The following ADAM22 variants were observed in gnomAD, a reference collection of about 807,000 sequenced individuals.
ADAM22 encodes disintegrin and metalloproteinase domain-containing protein 22.
A neutral mutation model predicts 144.6 loss-of-function variants in ADAM22; 65 were observed. The ratio of observed to expected loss-of-function variants is 0.45; its 90% CI spans 0.37 to 0.55. The LOEUF (loss-of-function observed/expected upper bound fraction) is 0.55, where lower values mean the gene tolerates loss of function less well. Ranked by LOEUF, ADAM22 falls within the 20% of genes least tolerant of loss-of-function variation. The pLI is 0.00. For synonymous variants in ADAM22, 391 were observed against 412.6 expected (o/e 0.95, Z 0.63); for missense variants, 974 against 1,184.9 (o/e 0.82, Z 2.61).
intron 3 of ADAM22, among the ~76,000 whole-genome samples, chr7:88,062,464 G>A (rs764471665): frequency 1.1e-4 from 17 of 152,180 alleles, no homozygotes; most frequent in Non-Finnish European, 2.2e-4. Context: ...AAGAGAGTTA[G>A]GGCCTTATTC....
At chr7:88,140,182 T>C (rs1489078771) in intron 14 of ADAM22, among the ~76,000 whole-genome samples, 1 of 152,152 alleles carries the variant, frequency 6.6e-6, no homozygotes, top group Non-Finnish European at 1.5e-5. Flanking sequence ...AAGCCATTCT[T>C]GGGAGGACTC....
At chr7:87,941,835 A>G (rs1432779332) in intron 2 of ADAM22, among the ~76,000 whole-genome samples, 1 of 152,224 alleles carries the variant, frequency 6.6e-6, no homozygotes, top group Non-Finnish European at 1.5e-5. Context: ...TAGGAAACTA[A>G]CTATGAATGA....
chr7:87,988,437 G>A (rs1489240205), intron 3 of ADAM22, among the ~76,000 whole-genome samples: 2 of 152,136 alleles, frequency 1.3e-5, no homozygotes. Context: ...CATTCATTTA[G>A]CACACCCCTT....
In ADAM22 at chr7:87,957,939, G is replaced by A. The variant is rs368712833; in HGVS notation, c.247-20397G>A. On this transcript the variant is annotated intron_variant, in intron 2 of 31. Transcript: ENST00000413139. ...CCATAACAATATATTACTGTTTTGT[G>A]TGTATTTAAATGTCTATCTTTTATA... is the stretch of plus-strand genomic sequence containing the variant. Among the ~76,000 whole-genome samples, 42 of 152,154 alleles carry A rather than the reference G, an allele frequency of 2.8e-4. No individual in the cohort carries two copies. In the East Asian group the frequency reaches 4.2e-3, roughly 15 times the overall value.
intron 2 of ADAM22, among the ~76,000 whole-genome samples, chr7:87,947,446 G>A (rs1249123117): frequency 2.0e-5 from 3 of 151,940 alleles, no homozygotes; most frequent in Non-Finnish European, 4.4e-5. Context: ...GGCTAGGTAA[G>A]TTACTAGAGG....
chr7:87,989,923 G>GA lies in ADAM22; in HGVS notation c.323+11522dup, dbSNP rs545049148. Reference sequence around the variant, plus strand: ...TGACAGAGTGAGACTCCATCTCAAAGAAAAAAAAAAAGAATTATTTATATT... The same window carrying GA: ...TGACAGAGTGAGACTCCATCTCAAAGAAAAAAAAAAAAGAATTATTTATATT... On this transcript the variant is annotated intron_variant, in intron 3 of 31. Coordinates refer to ENST00000413139, the MANE Select transcript of ADAM22 (RefSeq NM_001324418.2). 7.3e-3 allele frequency among the ~76,000 whole-genome samples: 1,048 copies of GA among 143,610 alleles called. 8 individuals are homozygous for GA. The highest frequency in any genetic ancestry group is 0.024 in the African/African-American group (938 of 39,348). 94.2% of individuals were successfully genotyped at this position (143,610 alleles called of 152,430 possible).
chr7:88,061,981 A>G (rs189320652), intron 3 of ADAM22, among the ~76,000 whole-genome samples: 7 of 151,652 alleles, frequency 4.6e-5, no homozygotes, highest in Admixed American at 1.3e-4. Context: ...AGCTTGGACT[A>G]CAGGTGTGTA....
intron 30 of ADAM22, among the ~76,000 whole-genome samples, chr7:88,188,340 C>T (rs149570004): frequency 2.4e-4 from 37 of 152,152 alleles, no homozygotes; most frequent in African/African-American, 8.7e-4. Context: ...AAAATCAGCA[C>T]CCAGGTCTGC....
At chr7:88,037,101 T>G (rs1257741182) in intron 3 of ADAM22, among the ~76,000 whole-genome samples, 2 of 152,136 alleles carry the variant, frequency 1.3e-5, no homozygotes, top group African/African-American at 4.8e-5. Context: ...TTGAACTCTA[T>G]AAATGATGCT....
chr7:87,988,560 T>G (rs1789010205), intron 3 of ADAM22, among the ~76,000 whole-genome samples: 1 of 152,228 alleles, frequency 6.6e-6, no homozygotes, highest in South Asian at 2.1e-4. Context: ...AATTGTATAT[T>G]TTAAAGCAAG....
intron 25 of ADAM22, 87 bp from the exon 26 acceptor site, chr7:88,171,457 T>A: frequency 8.1e-7 from 1 of 1,234,656 alleles, no homozygotes; most frequent in South Asian, 1.4e-5. Context: ...AAGCTAGAGC[T>A]TTTATGTTTA....
At chr7:88,029,333 A>G (rs994622122) in intron 3 of ADAM22, among the ~76,000 whole-genome samples, 3 of 152,292 alleles carry the variant, frequency 2.0e-5, no homozygotes, top group Admixed American at 2.0e-4. Context: ...CACTGATTGC[A>G]TAAATACACA....
intron 3 of ADAM22, among the ~76,000 whole-genome samples, chr7:87,982,701 T>TATATATATATATATATATATATAAAA (rs1554373733): frequency 1.2e-4 from 4 of 33,784 alleles, no homozygotes; most frequent in East Asian, 1.2e-3. Flanking sequence ...ATATATATAA[T>TATATATATATATATATATATATAAAA]TTTTTTTTTT....
At chr7:88,083,116 A>G (rs1817328872) in intron 4 of ADAM22, among the ~76,000 whole-genome samples, 1 of 152,256 alleles carries the variant, frequency 6.6e-6, no homozygotes, top group Non-Finnish European at 1.5e-5. Context: ...AGACTGGATT[A>G]AGAAAATGTG....
chr7:88,162,150 G>T (rs112749293), intron 22 of ADAM22, among the ~76,000 whole-genome samples: 17,324 of 141,490 alleles, frequency 0.12, 1,748 homozygotes, highest in East Asian at 0.49. Context: ...ATACTATGCA[G>T]CCATAAAAAA....
In ADAM22 at chr7:88,196,870, A is replaced by C. The variant is rs1457619918; in HGVS notation, c.*379A>C. Reference sequence around the variant, plus strand: ...TTCAGAACTTGACGTTCTGAGGCACATCCTCACTGTAAACAGTAATGCTAT... The same window carrying C: ...TTCAGAACTTGACGTTCTGAGGCACCTCCTCACTGTAAACAGTAATGCTAT... On this transcript the variant is annotated 3_prime_UTR_variant, in exon 32 of 32. Coordinates refer to ENST00000413139, the MANE Select transcript of ADAM22 (RefSeq NM_001324418.2). 4.2e-5 allele frequency: 10 copies of C among 237,178 alleles called. No individual in the cohort carries two copies. Among genetic ancestry groups the C allele is most frequent in the Non-Finnish European group, 7.6e-5 (9 of 117,968 alleles). 14.7% of individuals were successfully genotyped at this position (237,178 alleles called of 1,614,324 possible).
intron 2 of ADAM22, among the ~76,000 whole-genome samples, chr7:87,941,600 A>G (rs1341929555): frequency 6.6e-6 from 1 of 152,116 alleles, no homozygotes; most frequent in East Asian, 1.9e-4. Context: ...TAAATAGGAG[A>G]CATTTCACAA....
chr7:88,135,469 A>T (rs1406673101), intron 13 of ADAM22, among the ~76,000 whole-genome samples: 1 of 152,076 alleles, frequency 6.6e-6, no homozygotes, highest in East Asian at 1.9e-4. Context: ...TGTCTCTAAG[A>T]TTACACATAT....
At chr7:88,117,851 G>A (rs751850116) in intron 7 of ADAM22, among the ~76,000 whole-genome samples, 1 of 151,820 alleles carries the variant, frequency 6.6e-6, no homozygotes, top group Non-Finnish European at 1.5e-5. Context: ...ACACCATTAC[G>A]CCTGGCTAAT....
Sources: allele counts gnomAD v4.1 joint callset (sites outside exome capture counted in the v4.1 genomes callset), GRCh38; gene constraint gnomAD v4.1.1; transcripts MANE v1.5; gene names NCBI Gene and HGNC (gene_info 2026-07-23, HGNC 2026-07-21).